The following RAB35 variants were observed in gnomAD, a reference collection of about 807,000 sequenced individuals.
RAB35 encodes the protein RAB35, member RAS oncogene family.
RAB35 carries 4 observed loss-of-function variants against 28.9 expected under a neutral mutation model. The ratio of observed to expected loss-of-function variants is 0.14; its 90% CI spans 0.07 to 0.32. The LOEUF is 0.32. RAB35 is among the 10% of genes least tolerant of loss of function. The pLI, the probability that RAB35 is intolerant of heterozygous loss-of-function variation, is 1.00. For missense variants in RAB35, 128 were observed against 274.0 expected (o/e 0.47, Z 3.76); for synonymous variants, 99 against 105.1 (o/e 0.94, Z 0.35).
In RAB35 at chr12:120,097,200, T is replaced by C; in HGVS notation, c.*45A>G. The C allele has an allele frequency of 6.2e-7, 1 of 1,613,930 alleles. No homozygotes were observed. Among genetic ancestry groups the C allele is most frequent in the Non-Finnish European group, 8.5e-7 (1 of 1,179,920 alleles). ...CGAGGAACCTCCGTGGGCCTCGGGC[T>C]GGGGGAGGGACCGCAGTGCAGTCTC... On this transcript the variant is annotated 3_prime_UTR_variant, in exon 6 of 6. Transcript: ENST00000229340.
intron 1 of RAB35, among the ~76,000 whole-genome samples, chr12:120,112,325 C>A (rs1244435638): frequency 2.6e-5 from 4 of 152,102 alleles, no homozygotes; most frequent in African/African-American, 9.7e-5. Context: ...AAGCCACACA[C>A]ATGTCTTCCC....
intron 1 of RAB35, among the ~76,000 whole-genome samples, chr12:120,116,302 A>G (rs1322454572): frequency 6.6e-6 from 1 of 152,106 alleles, no homozygotes; most frequent in Non-Finnish European, 1.5e-5. Flanking sequence ...GGTAGTCCTG[A>G]GACTCGAACC....
chr12:120,106,971 C>T (rs1460841677), intron 2 of RAB35, among the ~76,000 whole-genome samples: 1 of 151,974 alleles, frequency 6.6e-6, no homozygotes, highest in African/African-American at 2.4e-5. Context: ...CCACCCAAAG[C>T]ATCTGTAATG....
At chr12:120,108,334 G>A (rs998175055) in intron 2 of RAB35, 83 bp downstream of exon 2, 1 of 1,403,616 alleles carries the variant, frequency 7.1e-7, no homozygotes, top group African/African-American at 1.4e-5. Flanking sequence ...ATCAGGCAGA[G>A]GCAACTCTGT....
intron 2 of RAB35, 130 bp downstream of exon 2, chr12:120,108,287 T>A (rs1490390715): frequency 2.1e-6 from 2 of 943,856 alleles, no homozygotes; most frequent in Non-Finnish European, 3.3e-6. Flanking sequence ...TCCATCTTCT[T>A]CCCTCCTCTG....
chr12:120,103,345 C>A lies in RAB35; in HGVS notation c.227+481G>T, dbSNP rs758994536. ...GGGTAGGGAAGGGCCTGCTGACATG[C>A]ACCGTGTTCGTCTCTAGACAGCGTC... On this transcript the variant is annotated intron_variant, in intron 3 of 5. Coordinates refer to ENST00000229340, the MANE Select transcript of RAB35 (RefSeq NM_006861.7). The surrounding 1 kb of genome is among the most constrained non-coding windows in gnomAD (Gnocchi z 6.1). Among the ~76,000 whole-genome samples, 2 of 152,188 alleles carry A rather than the reference C, an allele frequency of 1.3e-5. No homozygotes were observed. The highest frequency in any genetic ancestry group is 2.9e-5 in the Non-Finnish European group (2 of 68,032).
chr12:120,097,347 G>A lies in RAB35; in HGVS notation c.504C>T (p.Val168=). ...CCAGGTTGTCTTTCTTTGCTCGGAG[G>A]ACCAGCTCCGTGATGCAGTTGAACA... ...EEMFNCITEL[V]LRAKKDNLAK... The change falls in exon 6 of 6, where the codon GTC becomes GTT. Residue 168 remains valine (V), a synonymous_variant. Transcript: ENST00000229340. 1.9e-6 allele frequency: 3 copies of A among 1,613,148 alleles called. No homozygotes were observed. The highest frequency in any genetic ancestry group is 2.2e-5 in the East Asian group (1 of 44,876).
At chr12:120,116,546 C>A in intron 1 of RAB35, 53 bp downstream of exon 1, 1 of 1,016,644 alleles carries the variant, frequency 9.8e-7, no homozygotes, top group Non-Finnish European at 1.2e-6. Flanking sequence ...CCGAGGCCCC[C>A]GCGGGCCGCG....
In RAB35 at chr12:120,103,659, C is replaced by T. The variant is rs1875749812; in HGVS notation, c.227+167G>A. 6.6e-6 allele frequency among the ~76,000 whole-genome samples: 1 copy of T among 152,198 alleles called. No homozygotes were observed. Among genetic ancestry groups the T allele is most frequent in the African/African-American group, 2.4e-5 (1 of 41,448 alleles). ...AGCACCCCCCTCACATCTTCAGGAC[C>T]AGGAAGGGTGCAGCCAAACGCCACC... is the stretch of plus-strand genomic sequence containing the variant. On this transcript the variant is annotated intron_variant, in intron 3 of 5. Coordinates refer to ENST00000229340, the MANE Select transcript of RAB35 (RefSeq NM_006861.7). This position sits in a 1 kb window ranked among gnomAD's most constrained non-coding sequence, Gnocchi z 6.1.
rs1368087186 is a variant in RAB35 at position 120,116,740 on chromosome 12, T to G, written c.-90A>C. On this transcript the variant is annotated 5_prime_UTR_variant, in exon 1 of 6. Coordinates refer to ENST00000229340, the MANE Select transcript of RAB35 (RefSeq NM_006861.7). ...TTCGGGCTGCTCCGGCAGCGGCGGA[T>G]CCACTTCCCGAACAAACAGCCGGAA... is the stretch of plus-strand genomic sequence containing the variant. 2 of 1,195,190 alleles carry G rather than the reference T, an allele frequency of 1.7e-6. No homozygotes were observed. The allele number at this position is 1,195,190 out of a possible 1,614,324, so 74.0% of individuals were successfully genotyped here.
At position 120,105,396 on chromosome 12, in the gene RAB35, G is replaced by A. The variant is rs1875829032; in HGVS notation, c.104-1447C>T. 2.0e-5 allele frequency among the ~76,000 whole-genome samples: 3 copies of A among 152,174 alleles called. No individual in the cohort carries two copies. In the South Asian group the frequency reaches 6.2e-4, roughly 32 times the overall value. ...TGGCTAACGAACCAAGCAAGCCAAA[G>A]AACAAAAGAATGACCAGGGGGTAGG... On this transcript the variant is annotated intron_variant, in intron 2 of 5. Transcript: ENST00000229340.
chr12:120,099,872 C>T (rs917619257), intron 3 of RAB35, among the ~76,000 whole-genome samples: 7 of 149,688 alleles, frequency 4.7e-5, no homozygotes, highest in South Asian at 2.1e-4. Context: ...CATCAATCCC[C>T]GGAGGAGGAG....
rs1231943835 is a variant in RAB35 at position 120,099,047 on chromosome 12, T to C, written c.335A>G (p.Asp112Gly). Residue 112 changes from aspartate (D) to glycine (G), a missense_variant, in exon 4 of 6, where the codon GAT becomes GGT. Transcript: ENST00000229340. ...WLHEINQNCD[D>G]VCRILVGNKN... ...AGCCTCACCTAATATTCGGCACACATCATCACAGTTCTGGTTGATTTCGTG... is the reference window on the plus strand; with the variant it reads ...AGCCTCACCTAATATTCGGCACACACCATCACAGTTCTGGTTGATTTCGTG... The C allele has an allele frequency of 6.6e-7, 1 of 1,520,446 alleles. No individual in the cohort carries two copies. The highest frequency in any genetic ancestry group is 8.9e-7 in the Non-Finnish European group (1 of 1,122,492). The allele number at this position is 1,520,446 out of a possible 1,614,324, so 94.2% of individuals were successfully genotyped here. A position where few individuals can be genotyped will look rare whatever the true frequency, so the allele number is the denominator to read the frequency against.
intron 3 of RAB35, among the ~76,000 whole-genome samples, chr12:120,101,409 C>T (rs1875651114): frequency 6.6e-6 from 1 of 152,182 alleles, no homozygotes; most frequent in Admixed American, 6.5e-5. Context: ...CCATCCCACC[C>T]GCACCTCTCA....
intron 3 of RAB35, among the ~76,000 whole-genome samples, chr12:120,100,416 G>A (rs1594238184): frequency 6.6e-6 from 1 of 152,234 alleles, no homozygotes. Flanking sequence ...GTGGTCATGA[G>A]GAAGAAAGGA....
rs1364758280 is a variant in RAB35 at position 120,096,370 on chromosome 12, G to A, written c.*875C>T. ...CAAACCTCAGGGAAAGAAAATAATT[G>A]TGAGGAATTTAATTCACTTGATTTG... On this transcript the variant is annotated 3_prime_UTR_variant, in exon 6 of 6. Coordinates refer to ENST00000229340, the MANE Select transcript of RAB35 (RefSeq NM_006861.7). 5.0e-6 allele frequency: 6 copies of A among 1,210,760 alleles called. No individual in the cohort carries two copies. In the South Asian group the frequency reaches 8.3e-5, roughly 17 times the overall value. 75.0% of individuals were successfully genotyped at this position (1,210,760 alleles called of 1,614,324 possible). A position where few individuals can be genotyped will look rare whatever the true frequency, so the allele number is the denominator to read the frequency against.
At chr12:120,109,796 G>A (rs1303152649) in intron 1 of RAB35, among the ~76,000 whole-genome samples, 1 of 151,652 alleles carries the variant, frequency 6.6e-6, no homozygotes, top group Admixed American at 6.6e-5. Flanking sequence ...GAGCCACTGC[G>A]CCTGGACCTC....
rs2139053205 is a variant in RAB35 at position 120,103,905 on chromosome 12, C to T, written c.148G>A (p.Val50Met). 1 of 1,614,148 alleles carries T rather than the reference C, an allele frequency of 6.2e-7. No homozygotes were observed. Among genetic ancestry groups the T allele is most frequent in the Non-Finnish European group, 8.5e-7 (1 of 1,180,016 alleles). ...TTCACCTTCTCCCCGTTGATCTCCA[C>T]GGTCCGGATCTTGAAATCCACTCCG... ...TIGVDFKIRTVEINGEKVKLQ... is the reference protein window; with the variant it reads ...TIGVDFKIRTMEINGEKVKLQ... The change falls in exon 3 of 6, where the codon GTG (valine) becomes ATG (methionine). Residue 50 changes from valine (V) to methionine (M), a missense_variant. Physicochemically the swap from Val to Met is conservative, Grantham distance 21. Coordinates refer to ENST00000229340, the MANE Select transcript of RAB35 (RefSeq NM_006861.7). This position sits in a 1 kb window ranked among gnomAD's most constrained non-coding sequence, Gnocchi z 6.1.
chr12:120,103,861 T>C lies in RAB35; in HGVS notation c.192A>G (p.Thr64=). The C allele has an allele frequency of 6.2e-7, 1 of 1,614,148 alleles. No homozygotes were observed. ...TGGTGCGGAAGCGCTCCTGCCCCGC[T>C]GTGTCCCAGATCTGCAGCTTCACCT... ...GEKVKLQIWD[T]AGQERFRTIT... is the part of the protein sequence containing the mutation. The change falls in exon 3 of 6, where the codon ACA becomes ACG. Residue 64 remains threonine (T), a synonymous_variant. Coordinates refer to ENST00000229340, the MANE Select transcript of RAB35 (RefSeq NM_006861.7). The surrounding 1 kb of genome is among the most constrained non-coding windows in gnomAD (Gnocchi z 6.1).
Sources: gnomAD v4.1 joint callset for allele counts (sites outside exome capture counted in the v4.1 genomes callset) on GRCh38, gnomAD v4.1.1 for gene constraint, Gnocchi (gnomAD v3.1) non-coding constraint, MANE v1.5 for transcripts, NCBI Gene and HGNC (gene_info 2026-07-23, HGNC 2026-07-21) for gene names.